The following CDH18 variants were observed in gnomAD, a reference collection of about 807,000 sequenced individuals.
CDH18 encodes cadherin-18.
A neutral mutation model predicts 67.9 loss-of-function variants in CDH18; 31 were observed. The ratio of observed to expected loss-of-function variants is 0.46; its 90% confidence interval spans 0.34 to 0.62. The LOEUF (loss-of-function observed/expected upper bound fraction) is 0.62. Ranked by LOEUF, CDH18 falls within the 20% of genes least tolerant of loss-of-function variation. The pLI, the probability that CDH18 is intolerant of heterozygous loss-of-function variation, is 0.01. For missense variants in CDH18, 890 were observed against 975.5 expected (o/e 0.91, Z 1.17); for synonymous variants, 362 against 347.2 (o/e 1.04, Z -0.48).
chr5:19,858,004 G>C (rs1784489421), intron 2 of CDH18, among the ~76,000 whole-genome samples: 1 of 152,126 alleles, frequency 6.6e-6, no homozygotes, highest in Admixed American at 6.6e-5. Flanking sequence ...TTCCTTGTTT[G>C]TGAGAATTCA....
chr5:20,098,786 C>G (rs1367692916), intron 2 of CDH18, among the ~76,000 whole-genome samples: 1 of 151,922 alleles, frequency 6.6e-6, no homozygotes, highest in Non-Finnish European at 1.5e-5. Flanking sequence ...TGCAGGAGAA[C>G]TAAAGAACAT....
chr5:19,738,790 G>C (rs73761819), intron 4 of CDH18, among the ~76,000 whole-genome samples: 10,899 of 152,044 alleles, frequency 0.072, 899 homozygotes, highest in East Asian at 0.25. Context: ...TGGTTACTAG[G>C]CTTTATACCT....
chr5:19,540,846 C>CTG (rs981425454), intron 9 of CDH18, among the ~76,000 whole-genome samples: 5 of 152,166 alleles, frequency 3.3e-5, no homozygotes, highest in African/African-American at 1.2e-4. Context: ...GGAGGGTCAG[C>CTG]TGTGAAGGTC....
intron 3 of CDH18, among the ~76,000 whole-genome samples, chr5:19,816,056 T>G (rs1269411658): frequency 6.6e-6 from 1 of 151,888 alleles, no homozygotes; most frequent in Non-Finnish European, 1.5e-5. Flanking sequence ...AGAACGTCAT[T>G]CTTTTGTTTA....
intron 2 of CDH18, among the ~76,000 whole-genome samples, chr5:19,854,671 C>A (rs182329997): frequency 2.0e-5 from 3 of 152,082 alleles, no homozygotes; most frequent in Non-Finnish European, 4.4e-5. Flanking sequence ...GAATACTAGG[C>A]AGCTCCTTAT....
chr5:20,061,745 A>G lies in CDH18; in HGVS notation c.-517-69731T>C, dbSNP rs542172191. On this transcript the variant is annotated intron_variant, in intron 2 of 14. Transcript: ENST00000507958. Reference sequence around the variant, plus strand: ...ATGACTTATCCACATCCATCTTACAAAGTGAAAAATTAACCATAGCATTGC... The same window carrying G: ...ATGACTTATCCACATCCATCTTACAGAGTGAAAAATTAACCATAGCATTGC... Among the ~76,000 whole-genome samples, 5 of 152,340 alleles carry G rather than the reference A, an allele frequency of 3.3e-5. No homozygotes were observed. In the South Asian group the frequency reaches 6.2e-4, roughly 19 times the overall value.
chr5:20,479,116 T>G (rs1310204485), intron 1 of CDH18, among the ~76,000 whole-genome samples: 1 of 152,150 alleles, frequency 6.6e-6, no homozygotes, highest in Non-Finnish European at 1.5e-5. Flanking sequence ...CGATGCTTTT[T>G]GAATACTTGG....
intron 2 of CDH18, among the ~76,000 whole-genome samples, chr5:20,169,492 T>C (rs1204883372): frequency 2.0e-5 from 3 of 152,128 alleles, no homozygotes; most frequent in Non-Finnish European, 4.4e-5. Flanking sequence ...AAAGTAGTAG[T>C]TCCTTGAGTG....
At chr5:19,799,767 T>C (rs1777255431) in intron 3 of CDH18, among the ~76,000 whole-genome samples, 2 of 152,102 alleles carry the variant, frequency 1.3e-5, no homozygotes, top group Admixed American at 6.6e-5. Flanking sequence ...ACACTGAAAA[T>C]GAGGTTCGTA....
intron 1 of CDH18, among the ~76,000 whole-genome samples, chr5:20,318,006 T>G (rs1737630720): frequency 6.6e-6 from 1 of 151,604 alleles, no homozygotes; most frequent in Admixed American, 6.6e-5. Flanking sequence ...TTAATGTCAT[T>G]GAAGATACTG....
At chr5:19,758,148 C>CAT (rs533288381) in intron 3 of CDH18, among the ~76,000 whole-genome samples, 8 of 152,250 alleles carry the variant, frequency 5.3e-5, no homozygotes, top group Admixed American at 5.2e-4. Context: ...AGAGCCTGAT[C>CAT]ATATATATAA....
chr5:20,068,805 A>C (rs1743196811), intron 2 of CDH18, among the ~76,000 whole-genome samples: 1 of 152,190 alleles, frequency 6.6e-6, no homozygotes, highest in Admixed American at 6.5e-5. Flanking sequence ...AACAATTAGA[A>C]TATCCAGGCC....
At chr5:20,172,214 A>ACACGTATATATATATATACG (rs796558819) in intron 2 of CDH18, among the ~76,000 whole-genome samples, 15 of 32,812 alleles carry the variant, frequency 4.6e-4, no homozygotes, top group South Asian at 9.3e-4. Flanking sequence ...ATATATATAT[A>ACACGTATATATATATATACG]TATATATATG....
At chr5:20,227,595 C>A (rs1741733968) in intron 2 of CDH18, among the ~76,000 whole-genome samples, 2 of 152,052 alleles carry the variant, frequency 1.3e-5, no homozygotes, top group South Asian at 4.1e-4. Flanking sequence ...GTCTTCTTTT[C>A]TATAAGTTCA....
chr5:19,599,803 C>A (rs1017766787), intron 6 of CDH18, among the ~76,000 whole-genome samples: 1 of 152,062 alleles, frequency 6.6e-6, no homozygotes, highest in Non-Finnish European at 1.5e-5. Context: ...AGGAGAATGG[C>A]GTGAACCCGG....
intron 2 of CDH18, among the ~76,000 whole-genome samples, chr5:20,222,470 C>A (rs1741307559): frequency 6.6e-6 from 1 of 152,084 alleles, no homozygotes; most frequent in Admixed American, 6.6e-5. Flanking sequence ...CCAGGAAGTG[C>A]AGCTTCCTAG....
chr5:20,539,533 G>T (rs1561109654), intron 1 of CDH18, among the ~76,000 whole-genome samples: 1 of 152,066 alleles, frequency 6.6e-6, no homozygotes, highest in African/African-American at 2.4e-5. Flanking sequence ...AACAAGAAAT[G>T]GGTTGTTATA....
chr5:20,506,140 G>T (rs1754644289), intron 1 of CDH18, among the ~76,000 whole-genome samples: 1 of 152,142 alleles, frequency 6.6e-6, no homozygotes, highest in South Asian at 2.1e-4. Flanking sequence ...TGAGATGCTG[G>T]GATCCTCACC....
chr5:20,454,997 T>C (rs568377049), intron 1 of CDH18, among the ~76,000 whole-genome samples: 121 of 151,640 alleles, frequency 8.0e-4, no homozygotes, highest in Non-Finnish European at 1.5e-3. Flanking sequence ...AGGAAGAACA[T>C]GCAAGAACAT....
Sources: gnomAD v4.1 joint callset for allele counts (sites outside exome capture counted in the v4.1 genomes callset) on GRCh38, gnomAD v4.1.1 for gene constraint, MANE v1.5 for transcripts, NCBI Gene and HGNC (gene_info 2026-07-23, HGNC 2026-07-21) for gene names.